The following FOCAD variants were observed in gnomAD, a reference collection of about 807,000 sequenced individuals.
The protein encoded by FOCAD is focadhesin.
A neutral mutation model predicts 225.6 loss-of-function variants in FOCAD; 198 were observed. That is an observed-to-expected ratio of 0.88 (90% CI 0.78 to 0.99). The LOEUF is 0.99. FOCAD is among the 50% of genes least tolerant of loss of function. The pLI, the probability that FOCAD is intolerant of heterozygous loss-of-function variation, is 0.00. For missense variants in FOCAD, 2,713 were observed against 2,123.6 expected (o/e 1.28, Z -5.46); for synonymous variants, 897 against 755.0 (o/e 1.19, Z -3.08).
chr9:20,930,584 C>T (rs1056501936), intron 27 of FOCAD, among the ~76,000 whole-genome samples: 1 of 152,150 alleles, frequency 6.6e-6, no homozygotes, highest in African/African-American at 2.4e-5. Context: ...CAGTTTGAGA[C>T]CACTGATTAA....
chr9:20,666,212 ATAT>A (rs556968054), intron 2 of FOCAD, among the ~76,000 whole-genome samples: 21 of 152,188 alleles, frequency 1.4e-4, no homozygotes, highest in Non-Finnish European at 2.4e-4. Context: ...CTATTTACCC[ATAT>A]TATTATGCAT....
chr9:20,810,059 A>C (rs879438989), intron 11 of FOCAD, among the ~76,000 whole-genome samples: 13 of 152,130 alleles, frequency 8.5e-5, no homozygotes, highest in Admixed American at 3.9e-4. Context: ...ACCATGCTTA[A>C]GATTTATTAC....
intron 42 of FOCAD, among the ~76,000 whole-genome samples, chr9:20,992,912 G>A (rs553029952): frequency 6.6e-6 from 1 of 151,666 alleles, no homozygotes; most frequent in Non-Finnish European, 1.5e-5. Context: ...GCAGTGAGCC[G>A]AGATTGCGCT....
chr9:20,858,773 G>A (rs1351986450), intron 15 of FOCAD, among the ~76,000 whole-genome samples: 1 of 151,946 alleles, frequency 6.6e-6, no homozygotes, highest in Non-Finnish European at 1.5e-5. Context: ...TATCCCATAT[G>A]TTTTGGTATG....
At chr9:20,841,008 T>C (rs1826465685) in intron 15 of FOCAD, among the ~76,000 whole-genome samples, 1 of 152,104 alleles carries the variant, frequency 6.6e-6, no homozygotes. Context: ...TGCTTTATTC[T>C]ATTGATACGA....
chr9:20,874,846 A>G (rs1830101189), intron 19 of FOCAD, 39 bp downstream of exon 19: 1 of 1,612,226 alleles, frequency 6.2e-7, no homozygotes, highest in Non-Finnish European at 8.5e-7. Flanking sequence ...AGCATTTTTT[A>G]GTGGTTCGAT....
intron 1 of FOCAD, among the ~76,000 whole-genome samples, chr9:20,693,735 G>GA: frequency 6.6e-6 from 1 of 152,062 alleles, no homozygotes; most frequent in Non-Finnish European, 1.5e-5. Context: ...TATTTAGATG[G>GA]AATCTTGCTC....
chr9:20,966,147 T>C (rs1194085378), intron 35 of FOCAD, among the ~76,000 whole-genome samples: 1 of 152,142 alleles, frequency 6.6e-6, no homozygotes, highest in African/African-American at 2.4e-5. Context: ...TTTACATTCT[T>C]GCAAGCAATA....
At chr9:20,814,287 C>A (rs1823407728) in intron 11 of FOCAD, among the ~76,000 whole-genome samples, 1 of 151,584 alleles carries the variant, frequency 6.6e-6, no homozygotes, top group Non-Finnish European at 1.5e-5. Context: ...CTCTTGCTGT[C>A]TTCTTTTATG....
intron 28 of FOCAD, among the ~76,000 whole-genome samples, chr9:20,944,187 C>G (rs542184273): frequency 1.9e-3 from 295 of 152,322 alleles, no homozygotes; most frequent in Non-Finnish European, 3.6e-3. Context: ...TGCTATTAGT[C>G]AGATATCCTC....
At chr9:20,760,866 T>G (rs1587057367) in intron 6 of FOCAD, among the ~76,000 whole-genome samples, 1 of 152,154 alleles carries the variant, frequency 6.6e-6, no homozygotes, top group Non-Finnish European at 1.5e-5. Context: ...CCACTGCACT[T>G]CAGCCTGGGT....
chr9:20,683,689 G>T (rs773751899), upstream of FOCAD: 17 of 152,332 alleles, frequency 1.1e-4, no homozygotes, highest in Admixed American at 3.9e-4. Context: ...CTAACAAGTG[G>T]ATATACCACA....
At chr9:20,940,704 C>T (rs1401192686) in intron 28 of FOCAD, among the ~76,000 whole-genome samples, 1 of 152,158 alleles carries the variant, frequency 6.6e-6, no homozygotes, top group Non-Finnish European at 1.5e-5. Flanking sequence ...AAACATGATA[C>T]TGAAGTAGGA....
At chr9:20,834,035 C>T (rs920937387) in intron 15 of FOCAD, among the ~76,000 whole-genome samples, 5 of 152,120 alleles carry the variant, frequency 3.3e-5, no homozygotes, top group South Asian at 2.1e-4. Context: ...AAGACTTGTA[C>T]GGAATGTTCA....
intron 35 of FOCAD, among the ~76,000 whole-genome samples, chr9:20,959,167 C>G (rs183702681): frequency 3.7e-4 from 56 of 152,184 alleles, no homozygotes; most frequent in Admixed American, 2.9e-3. Context: ...TGAATGAATT[C>G]CCTTGTCTTC....
chr9:20,695,051 T>C (rs755504442), intron 1 of FOCAD, among the ~76,000 whole-genome samples: 38 of 152,222 alleles, frequency 2.5e-4, no homozygotes, highest in Non-Finnish European at 4.6e-4. Context: ...CCGAGTACTT[T>C]GTCCTGTAAA....
chr9:20,803,894 G>T (rs76160923), intron 11 of FOCAD, among the ~76,000 whole-genome samples: 1,896 of 152,208 alleles, frequency 0.012, 37 homozygotes, highest in African/African-American at 0.043. Flanking sequence ...ATTAAAGGTT[G>T]TAAGGTTAAG....
In FOCAD at chr9:20,684,276, G is replaced by T. The variant is rs1187429776; in HGVS notation, c.-50G>T. 1.3e-5 allele frequency: 2 copies of T among 152,374 alleles called. No homozygotes were observed. The highest frequency in any genetic ancestry group is 2.9e-5 in the Non-Finnish European group (2 of 68,218). 9.4% of individuals were successfully genotyped at this position (152,374 alleles called of 1,614,324 possible). The stretch of plus-strand genomic sequence containing the variant: ...CGTCAGGCAGCCGGCGCTGGGCTGA[G>T]CTTGTGGCAGAAGGGAGGTAAGCCG... On this transcript the variant is annotated 5_prime_UTR_variant, in exon 1 of 44. Coordinates refer to ENST00000338382, the MANE Select transcript of FOCAD (RefSeq NM_001375567.1).
intron 12 of FOCAD, 57 bp from the exon 13 acceptor site, chr9:20,820,267 C>T: frequency 2.3e-6 from 3 of 1,326,314 alleles, no homozygotes; most frequent in South Asian, 1.3e-5. Flanking sequence ...CTTTTGGTAA[C>T]CTCGAGGTTG....
Sources: gnomAD v4.1 joint callset for allele counts (sites outside exome capture counted in the v4.1 genomes callset) on GRCh38, gnomAD v4.1.1 for gene constraint, MANE v1.5 for transcripts, NCBI Gene and HGNC (gene_info 2026-07-23, HGNC 2026-07-21) for gene names.